The following ATF7IP variants were observed in gnomAD, a reference collection of about 807,000 sequenced individuals.
ATF7IP encodes activating transcription factor 7 interacting protein.
ATF7IP carries 23 observed loss-of-function variants against 106.4 expected under a neutral mutation model. That is an observed-to-expected ratio of 0.22 (90% CI 0.16 to 0.31). The LOEUF is 0.31. Among genes scored for constraint, ATF7IP ranks in the 10% least tolerant of loss-of-function variants. The probability of loss-of-function intolerance (pLI) is 1.00; values close to 1 mark genes in which losing one functional copy is unlikely to be tolerated. For synonymous variants in ATF7IP, 542 were observed against 539.0 expected (o/e 1.01, Z -0.08); for missense variants, 1,334 against 1,524.3 (o/e 0.88, Z 2.08).
intron 10 of ATF7IP, among the ~76,000 whole-genome samples, chr12:14,474,503 C>A (rs532961443): frequency 6.6e-6 from 1 of 151,422 alleles, no homozygotes; most frequent in Non-Finnish European, 1.5e-5. Flanking sequence ...CAGGTTCAAG[C>A]GATTCTCCTG....
intron 6 of ATF7IP, among the ~76,000 whole-genome samples, chr12:14,453,428 T>G (rs893121322): frequency 6.6e-6 from 1 of 152,190 alleles, no homozygotes; most frequent in Non-Finnish European, 1.5e-5. Flanking sequence ...TTCAAACTTG[T>G]GGACTTATTT....
At chr12:14,397,862 T>A (rs1475524164) in intron 1 of ATF7IP, among the ~76,000 whole-genome samples, 1 of 152,156 alleles carries the variant, frequency 6.6e-6, no homozygotes, top group Non-Finnish European at 1.5e-5. Flanking sequence ...ACTCTAAAAA[T>A]TTTCCCCTTC....
At chr12:14,444,431 T>C (rs1942855114) in intron 5 of ATF7IP, among the ~76,000 whole-genome samples, 1 of 152,178 alleles carries the variant, frequency 6.6e-6, no homozygotes, top group African/African-American at 2.4e-5. Context: ...TGGGTACATA[T>C]GCAGTGAAAT....
intron 1 of ATF7IP, among the ~76,000 whole-genome samples, chr12:14,382,380 CATT>C: frequency 6.6e-6 from 1 of 152,264 alleles, no homozygotes; most frequent in East Asian, 1.9e-4. Flanking sequence ...AAACCTGTGA[CATT>C]ATACAGTCAA....
chr12:14,424,560 C>G lies in ATF7IP; in HGVS notation c.645C>G (p.Val215=). 1 of 1,614,148 alleles carries G rather than the reference C, an allele frequency of 6.2e-7. No homozygotes were observed. The highest frequency in any genetic ancestry group is 8.5e-7 in the Non-Finnish European group (1 of 1,180,036). The stretch of plus-strand genomic sequence containing the variant: ...GTGATCCCATCCCAGGTGAACCGGT[C>G]CCTGTTGAACCCATTTCTGGTGATT... ...TSSDPIPGEP[V]PVEPISGDCA... The change falls in exon 2 of 15, where the codon GTC becomes GTG. Residue 215 remains valine (V), a synonymous_variant. Coordinates refer to ENST00000261168, the MANE Select transcript of ATF7IP (RefSeq NM_018179.5).
chr12:14,391,024 A>G (rs908293427), intron 1 of ATF7IP, among the ~76,000 whole-genome samples: 1 of 152,342 alleles, frequency 6.6e-6, no homozygotes, highest in Non-Finnish European at 1.5e-5. Flanking sequence ...ATTAACTTGC[A>G]CAGGAAACAG....
chr12:14,366,077 A>G (rs1938278822), intron 1 of ATF7IP, among the ~76,000 whole-genome samples: 1 of 152,108 alleles, frequency 6.6e-6, no homozygotes, highest in Non-Finnish European at 1.5e-5. Context: ...TTCTTGTTGG[A>G]CGCCATTTGG....
chr12:14,397,393 G>C (rs934511635), intron 1 of ATF7IP, among the ~76,000 whole-genome samples: 2 of 152,180 alleles, frequency 1.3e-5, no homozygotes, highest in African/African-American at 4.8e-5. Flanking sequence ...TAAGTGGTCA[G>C]GTAGTTTCTA....
At chr12:14,430,835 T>C (rs1942081499) in intron 2 of ATF7IP, among the ~76,000 whole-genome samples, 1 of 152,190 alleles carries the variant, frequency 6.6e-6, no homozygotes, top group Admixed American at 6.5e-5. Flanking sequence ...ATAGCACTTA[T>C]TGCACTTATT....
At position 14,435,303 on chromosome 12, in the gene ATF7IP, C is replaced by T. The variant is rs915847153; in HGVS notation, c.1646-803C>T. 3.3e-5 allele frequency among the ~76,000 whole-genome samples: 5 copies of T among 151,966 alleles called. No homozygotes were observed. In the East Asian group the frequency reaches 9.6e-4, roughly 29 times the overall value. ...CTGTCATGCTGCTATCCATATATGA[C>T]CATGGGTAAGTTAAGATTGTAAGAG... On this transcript the variant is annotated intron_variant, in intron 3 of 14. Transcript: ENST00000261168.
intron 12 of ATF7IP, 76 bp downstream of exon 12, chr12:14,478,548 G>A: frequency 1.3e-6 from 2 of 1,500,972 alleles, no homozygotes; most frequent in South Asian, 1.2e-5. Flanking sequence ...TAAGTGGAAA[G>A]ATAAGACAGA....
Position 14,500,818 on chromosome 12 carries a change from T to C in ATF7IP, c.*2745T>C, listed in dbSNP as rs1044425067. ...AAATTCATTAGCCTAGCCTATATTATGTTTTCTGTCAAAGGAAAACAAATT... is the reference window on the plus strand; with the variant it reads ...AAATTCATTAGCCTAGCCTATATTACGTTTTCTGTCAAAGGAAAACAAATT... On this transcript the variant is annotated 3_prime_UTR_variant, in exon 15 of 15. Transcript: ENST00000261168. The C allele has an allele frequency of 6.6e-6, 1 of 152,246 alleles. No individual in the cohort carries two copies. The highest frequency in any genetic ancestry group is 1.5e-5 in the Non-Finnish European group (1 of 68,044). 9.4% of individuals were successfully genotyped at this position (152,246 alleles called of 1,614,324 possible).
intron 9 of ATF7IP, among the ~76,000 whole-genome samples, chr12:14,461,730 T>C (rs950125377): frequency 1.3e-5 from 2 of 152,196 alleles, no homozygotes; most frequent in African/African-American, 4.8e-5. Flanking sequence ...TATACCTGTT[T>C]AAAATCTGCC....
chr12:14,476,257 T>G, intron 11 of ATF7IP: 1 of 225,940 alleles, frequency 4.4e-6, no homozygotes. Flanking sequence ...ATAAAAAATT[T>G]AAAAATTAGC....
rs575736534 is a variant in ATF7IP, at chr12:14,436,985, G to T, written c.1791+734G>T. ...TAATCTTTATAAAGCTGGTTTCATG[G>T]TTATAAGTCTACATTCTAAACTCTT... On this transcript the variant is annotated intron_variant, in intron 4 of 14. Coordinates refer to ENST00000261168, the MANE Select transcript of ATF7IP (RefSeq NM_018179.5). Among the ~76,000 whole-genome samples, 3 of 152,056 alleles carry T rather than the reference G, an allele frequency of 2.0e-5. No individual in the cohort carries two copies. In the East Asian group the frequency reaches 5.8e-4, roughly 29 times the overall value.
intron 13 of ATF7IP, among the ~76,000 whole-genome samples, chr12:14,491,516 T>A (rs1944824770): frequency 6.6e-6 from 1 of 152,190 alleles, no homozygotes; most frequent in South Asian, 2.1e-4. Flanking sequence ...TCTTGCTCAC[T>A]TGATCAATCA....
chr12:14,473,226 G>GT (rs1565542404), intron 10 of ATF7IP, among the ~76,000 whole-genome samples: 1 of 147,636 alleles, frequency 6.8e-6, no homozygotes, highest in African/African-American at 2.5e-5. Context: ...TTTTGTATCA[G>GT]TTTTTTTTAA....
intron 1 of ATF7IP, chr12:14,394,958 G>A (rs11055962): frequency 0.14 from 20,861 of 152,126 alleles, 2,020 homozygotes; most frequent in Admixed American, 0.3. Context: ...TACTCTGTGT[G>A]TTCTGTGAGC....
intron 7 of ATF7IP, 89 bp downstream of exon 7, chr12:14,456,723 G>T (rs780152307): frequency 7.6e-6 from 7 of 918,442 alleles, no homozygotes; most frequent in Middle Eastern, 4.3e-4. Context: ...TGTAATCATG[G>T]TATTTATGTA....
Sources: gnomAD v4.1 joint callset for allele counts (sites outside exome capture counted in the v4.1 genomes callset) on GRCh38, gnomAD v4.1.1 for gene constraint, MANE v1.5 for transcripts, NCBI Gene and HGNC (gene_info 2026-07-23, HGNC 2026-07-21) for gene names.